Variants in IKZF2 observed in about 807,000 individuals in gnomAD.
IKZF2 encodes the protein IKAROS family zinc finger 2, also known as zinc finger protein Helios.
IKZF2 carries 15 observed loss-of-function variants against 49.2 expected under a neutral mutation model. The observed-to-expected ratio is 0.30, with a 90% CI of 0.20 to 0.47. The LOEUF (loss-of-function observed/expected upper bound fraction) is 0.47, where lower values mean the gene tolerates loss of function less well. IKZF2 is among the 20% of genes least tolerant of loss of function. The pLI is 1.00. For synonymous variants in IKZF2, 227 were observed against 221.4 expected, an observed-to-expected ratio of 1.03 and a Z score of -0.23; for missense variants, 567 against 664.6, an observed-to-expected ratio of 0.85 and a Z score of 1.61.
At chr2:213,059,391 T>C (rs17291631) in intron 4 of IKZF2, among the ~76,000 whole-genome samples, 35,256 of 151,592 alleles carry the variant, frequency 0.23, 4,572 homozygotes, top group Non-Finnish European at 0.28. Flanking sequence ...CTGGATTCTA[T>C]ATCTTGCATC....
chr2:213,134,887 T>C (rs970699562), intron 4 of IKZF2, among the ~76,000 whole-genome samples: 2 of 152,258 alleles, frequency 1.3e-5, no homozygotes, highest in African/African-American at 4.8e-5. Flanking sequence ...CCAGTGGATC[T>C]ACTAACTCAA....
At chr2:213,147,532 G>C (rs2061117563) in intron 4 of IKZF2, 176 bp downstream of exon 4, 15 of 704,662 alleles carry the variant, frequency 2.1e-5, no homozygotes, top group Non-Finnish European at 3.6e-5. Context: ...TAGTAAGCAG[G>C]CTCATGTTTT....
intron 4 of IKZF2, among the ~76,000 whole-genome samples, chr2:213,076,922 AAGAAATAAAAGTATATGAACTT>A (rs2125534796): frequency 6.6e-6 from 1 of 152,332 alleles, no homozygotes; most frequent in South Asian, 2.1e-4. Context: ...AAATAAATAA[AAGAAATAAAAGTATATGAACTT>A]AGTGAGTCTG....
rs375531311 is a variant in IKZF2 at position 213,032,093 on chromosome 2, A to G, written c.575-9963T>C. Among the ~76,000 whole-genome samples, 185 of 152,330 alleles carry G rather than the reference A, an allele frequency of 1.2e-3. 6 individuals are homozygous for G. The South Asian group carries it at 0.034, about 28-fold the overall frequency. Reference sequence around the variant, plus strand: ...CTAAGACACAAGGGAAACAGCAGATATATTTGATACTGTTTCATTATTACA... The same window carrying G: ...CTAAGACACAAGGGAAACAGCAGATGTATTTGATACTGTTTCATTATTACA... On this transcript the variant is annotated intron_variant, in intron 6 of 8. Coordinates refer to ENST00000434687, the MANE Select transcript of IKZF2 (RefSeq NM_001387220.1).
chr2:213,073,006 C>A (rs1702873896), intron 4 of IKZF2, among the ~76,000 whole-genome samples: 1 of 152,054 alleles, frequency 6.6e-6, no homozygotes, highest in East Asian at 1.9e-4. Flanking sequence ...AATATTCAGA[C>A]AGAATACTTA....
intron 6 of IKZF2, among the ~76,000 whole-genome samples, chr2:213,027,111 T>G (rs1214173039): frequency 6.6e-6 from 1 of 152,100 alleles, no homozygotes; most frequent in Non-Finnish European, 1.5e-5. Context: ...GGTGATTATA[T>G]TCATATTTCT....
intron 4 of IKZF2, among the ~76,000 whole-genome samples, chr2:213,078,482 T>C (rs1427361681): frequency 1.3e-5 from 2 of 152,216 alleles, no homozygotes; most frequent in African/African-American, 4.8e-5. Context: ...TCAATAGATC[T>C]TCACACTAGA....
chr2:213,091,810 T>G (rs1705361905), intron 4 of IKZF2, among the ~76,000 whole-genome samples: 1 of 152,048 alleles, frequency 6.6e-6, no homozygotes, highest in South Asian at 2.1e-4. Context: ...TTATTGCTGG[T>G]CCTCTCCATG....
intron 4 of IKZF2, among the ~76,000 whole-genome samples, chr2:213,066,583 A>C (rs1284392285): frequency 1.3e-5 from 2 of 152,128 alleles, no homozygotes; most frequent in Non-Finnish European, 2.9e-5. Flanking sequence ...ATTAATAACC[A>C]GTAAGATCTA....
At chr2:213,044,209 GTGACCTCTAGA>G (rs931749602) in intron 6 of IKZF2, among the ~76,000 whole-genome samples, 1 of 152,124 alleles carries the variant, frequency 6.6e-6, no homozygotes, top group African/African-American at 2.4e-5. Flanking sequence ...CTTAATTCCA[GTGACCTCTAGA>G]TCCCCTTTCT....
chr2:213,043,139 A>T (rs1699825531), intron 6 of IKZF2, among the ~76,000 whole-genome samples: 1 of 152,110 alleles, frequency 6.6e-6, no homozygotes, highest in Admixed American at 6.6e-5. Context: ...GTTCCTAAGC[A>T]GAAAAATACC....
intron 4 of IKZF2, among the ~76,000 whole-genome samples, chr2:213,098,163 G>C (rs566511884): frequency 6.6e-6 from 1 of 152,090 alleles, no homozygotes; most frequent in Admixed American, 6.6e-5. Context: ...TTATTAAATT[G>C]GTATGGGATG....
rs376192136 is a variant in IKZF2, at chr2:213,082,376, T to C, written c.140-25277A>G. Among the ~76,000 whole-genome samples the C allele has an allele frequency of 5.9e-5, 9 of 152,298 alleles. No individual in the cohort carries two copies. In the East Asian group the frequency reaches 7.7e-4, roughly 13 times the overall value. On this transcript the variant is annotated intron_variant, in intron 4 of 8. Coordinates refer to ENST00000434687, the MANE Select transcript of IKZF2 (RefSeq NM_001387220.1). The stretch of plus-strand genomic sequence containing the variant: ...ATATACAAGGTACAGCAAATGTCAA[T>C]AGGTCCCTTCTTTTATAAACCAATG...
intron 4 of IKZF2, among the ~76,000 whole-genome samples, chr2:213,085,930 C>T (rs1245015992): frequency 1.3e-5 from 2 of 152,152 alleles, no homozygotes; most frequent in Non-Finnish European, 2.9e-5. Context: ...TCCGGGATCA[C>T]TCTGGCCAAG....
At chr2:213,008,420 T>C (rs1331498493) in intron 8 of IKZF2, among the ~76,000 whole-genome samples, 3 of 151,972 alleles carry the variant, frequency 2.0e-5, no homozygotes, top group Non-Finnish European at 2.9e-5. Context: ...TTAGTAGAGA[T>C]AGGGTTTTGC....
chr2:213,035,458 T>G (rs1698922568), intron 6 of IKZF2, among the ~76,000 whole-genome samples: 1 of 152,168 alleles, frequency 6.6e-6, no homozygotes. Flanking sequence ...CAGATTCTGA[T>G]TCAAGCTTTT....
At chr2:213,143,300 A>G (rs2060935940) in intron 4 of IKZF2, among the ~76,000 whole-genome samples, 1 of 151,892 alleles carries the variant, frequency 6.6e-6, no homozygotes, top group Admixed American at 6.6e-5. Context: ...TAGAGATGAT[A>G]AGGATAATCT....
chr2:213,038,738 G>A (rs1444351992), intron 6 of IKZF2, among the ~76,000 whole-genome samples: 1 of 152,158 alleles, frequency 6.6e-6, no homozygotes, highest in Non-Finnish European at 1.5e-5. Flanking sequence ...TATTATAAAA[G>A]AGAGTAAGTG....
At chr2:213,068,892 C>T (rs1020600898) in intron 4 of IKZF2, among the ~76,000 whole-genome samples, 4 of 145,054 alleles carry the variant, frequency 2.8e-5, no homozygotes, top group Non-Finnish European at 6.0e-5. Flanking sequence ...TGAATGTTGG[C>T]TAGTATCCAG....
Sources: allele counts gnomAD v4.1 joint callset (sites outside exome capture counted in the v4.1 genomes callset), GRCh38; gene constraint gnomAD v4.1.1; transcripts MANE v1.5; gene names NCBI Gene and HGNC (gene_info 2026-07-23, HGNC 2026-07-21).